FOXN3: variants seen among roughly 807,000 people sequenced by gnomAD.
FOXN3 encodes forkhead box protein N3.
In FOXN3, 7 loss-of-function variants were observed where a neutral mutation model predicts 38.4. The observed-to-expected ratio is 0.18, with a 90% CI of 0.10 to 0.34. FOXN3 has a LOEUF of 0.34. Among genes scored for constraint, FOXN3 ranks in the 10% least tolerant of loss-of-function variants. The pLI is 1.00. For synonymous variants in FOXN3, 230 were observed against 242.2 expected, an observed-to-expected ratio of 0.95 and a Z score of 0.47; for missense variants, 456 against 613.4, an observed-to-expected ratio of 0.74 and a Z score of 2.71.
intron 1 of FOXN3, among the ~76,000 whole-genome samples, chr14:89,475,050 G>A (rs1264947365): frequency 1.3e-5 from 2 of 151,980 alleles, no homozygotes; most frequent in African/African-American, 2.4e-5. Flanking sequence ...TCCTGACCTC[G>A]TGATCCATCC....
At position 89,514,955 on chromosome 14, in the gene FOXN3, C is replaced by T. The variant is rs377211932; in HGVS notation, c.-14-102465G>A. On this transcript the variant is annotated intron_variant, in intron 1 of 6. Coordinates refer to the FOXN3 transcript ENST00000345097. ...TTTTTTTTCTGAGACGGAGTCTCGC[C>T]GTCTCCTAGGCTGGAGTGCAGCAGC... Among the ~76,000 whole-genome samples the T allele has an allele frequency of 3.1e-4, 47 of 151,904 alleles. 1 individual carries two copies. Among genetic ancestry groups the T allele is most frequent in the African/African-American group, 1.1e-3 (45 of 41,426 alleles).
chr14:89,214,696 G>A (rs1884215827), intron 4 of FOXN3, among the ~76,000 whole-genome samples: 1 of 152,220 alleles, frequency 6.6e-6, no homozygotes, highest in African/African-American at 2.4e-5. Flanking sequence ...CCTGGAAGTG[G>A]CTCGACTTTG....
rs533145207 is a variant in FOXN3 at position 89,395,760 on chromosome 14, T to C, written c.543+16174A>G. ...CCTTATTACTATTTATTAATATTAA[T>C]ATTATTATTTCTGGGAAAAAATGCC... is the stretch of plus-strand genomic sequence containing the variant. On this transcript the variant is annotated intron_variant, in intron 2 of 5. Transcript: ENST00000557258. 3.4e-4 allele frequency among the ~76,000 whole-genome samples: 52 copies of C among 152,214 alleles called. No individual in the cohort carries two copies. The South Asian group carries it at 0.01, about 30-fold the overall frequency.
At chr14:89,278,938 T>C (rs936929439) in intron 4 of FOXN3, among the ~76,000 whole-genome samples, 5 of 152,104 alleles carry the variant, frequency 3.3e-5, no homozygotes, top group African/African-American at 1.2e-4. Flanking sequence ...TCTTTATTCG[T>C]AAAATCTTGC....
chr14:89,547,252 T>C, intron 1 of FOXN3, among the ~76,000 whole-genome samples: 1 of 151,228 alleles, frequency 6.6e-6, no homozygotes, highest in East Asian at 1.9e-4. Context: ...TATTTATTTA[T>C]TTATTTATTT....
intron 4 of FOXN3, among the ~76,000 whole-genome samples, chr14:89,232,731 C>T (rs1416651919): frequency 8.5e-5 from 13 of 152,274 alleles, no homozygotes; most frequent in South Asian, 2.1e-4. Context: ...AAAGTGACAG[C>T]GCGCCAGCCT....
chr14:89,196,428 G>T (rs1888101285), intron 4 of FOXN3, among the ~76,000 whole-genome samples: 1 of 152,138 alleles, frequency 6.6e-6, no homozygotes, highest in African/African-American at 2.4e-5. Context: ...TCATTTTGCT[G>T]TGCCTGAGTC....
intron 4 of FOXN3, among the ~76,000 whole-genome samples, chr14:89,189,851 A>C (rs563708789): frequency 6.6e-6 from 1 of 152,316 alleles, no homozygotes; most frequent in Non-Finnish European, 1.5e-5. Context: ...GCAGCCTGGG[A>C]GGCTGGATAG....
chr14:89,290,687 G>T, intron 3 of FOXN3: 2 of 415,484 alleles, frequency 4.8e-6, no homozygotes, highest in East Asian at 6.5e-5. Context: ...TGGGAGATGT[G>T]GGACTTGGAA....
chr14:89,514,248 A>G (rs1203646692), intron 1 of FOXN3, among the ~76,000 whole-genome samples: 4 of 152,172 alleles, frequency 2.6e-5, no homozygotes, highest in Non-Finnish European at 5.9e-5. Flanking sequence ...GGCCAGAACA[A>G]TGGAACAATC....
intron 4 of FOXN3, among the ~76,000 whole-genome samples, chr14:89,206,911 C>T (rs1041705618): frequency 1.3e-5 from 2 of 151,846 alleles, no homozygotes; most frequent in African/African-American, 4.8e-5. Context: ...GACAGTGTGG[C>T]CATAAAATGT....
chr14:89,219,492 T>A (rs1232676424), intron 4 of FOXN3, among the ~76,000 whole-genome samples: 1 of 152,238 alleles, frequency 6.6e-6, no homozygotes, highest in African/African-American at 2.4e-5. Flanking sequence ...TGTGTTCCCA[T>A]GAATGTCAGC....
chr14:89,564,670 C>G (rs528675307), intron 1 of FOXN3, among the ~76,000 whole-genome samples: 2 of 152,264 alleles, frequency 1.3e-5, no homozygotes, highest in South Asian at 4.1e-4. Flanking sequence ...CTAAAAAGAT[C>G]TGTTGGAAGT....
At chr14:89,251,972 T>G (rs1476564116) in intron 4 of FOXN3, among the ~76,000 whole-genome samples, 1 of 152,220 alleles carries the variant, frequency 6.6e-6, no homozygotes, top group Non-Finnish European at 1.5e-5. Context: ...TAGCTACAAC[T>G]GCAGACAGTA....
intron 4 of FOXN3, among the ~76,000 whole-genome samples, chr14:89,240,047 C>A (rs1403462827): frequency 6.6e-6 from 1 of 152,198 alleles, no homozygotes; most frequent in Non-Finnish European, 1.5e-5. Flanking sequence ...GCAGACACAT[C>A]CCTTTACTAA....
At chr14:89,573,751 A>G (rs1895542382) in intron 1 of FOXN3, among the ~76,000 whole-genome samples, 2 of 152,230 alleles carry the variant, frequency 1.3e-5, no homozygotes, top group South Asian at 4.1e-4. Context: ...CAGAATGTGC[A>G]TGCTGTGCCT....
chr14:89,275,180 C>T (rs566426442), intron 4 of FOXN3, among the ~76,000 whole-genome samples: 3 of 152,266 alleles, frequency 2.0e-5, no homozygotes, highest in East Asian at 1.9e-4. Flanking sequence ...TATAATATAT[C>T]GTATTGTCTC....
At chr14:89,310,583 C>T (rs1476051308) in intron 3 of FOXN3, among the ~76,000 whole-genome samples, 1 of 152,204 alleles carries the variant, frequency 6.6e-6, no homozygotes, top group African/African-American at 2.4e-5. Flanking sequence ...ACCTCTTCCA[C>T]TGCCTTTAAC....
chr14:89,453,559 C>CAAAAAAAAA (rs35296047), intron 1 of FOXN3, among the ~76,000 whole-genome samples: 1 of 72,748 alleles, frequency 1.4e-5, no homozygotes, highest in Non-Finnish European at 2.5e-5. Context: ...GACTCCGTCT[C>CAAAAAAAAA]AAAAAAAAAA....
Sources: gnomAD v4.1 joint callset for allele counts (sites outside exome capture counted in the v4.1 genomes callset) on GRCh38, gnomAD v4.1.1 for gene constraint, MANE v1.5 for transcripts, NCBI Gene and HGNC (gene_info 2026-07-23, HGNC 2026-07-21) for gene names.